The following NBPF9 variants were observed in gnomAD, a reference collection of about 807,000 sequenced individuals.
The protein encoded by NBPF9 is NBPF family member NBPF9.
NBPF9 carries 91 observed loss-of-function variants against 97.8 expected under a neutral mutation model. That is an observed-to-expected ratio of 0.93 (90% CI 0.79 to 1.11). The LOEUF (loss-of-function observed/expected upper bound fraction) is 1.11, where lower values mean the gene tolerates loss of function less well. Among genes scored for constraint, NBPF9 ranks in the 50% least tolerant of loss-of-function variants. NBPF9 has a pLI of 0.00. For synonymous variants in NBPF9, 334 were observed against 359.5 expected (o/e 0.93, Z 0.80); for missense variants, 992 against 939.5 (o/e 1.06, Z -0.73).
chr1:149,058,908 C>T lies in NBPF9; in HGVS notation c.2758+17G>A, dbSNP rs1394308523. 6.8e-5 allele frequency: 37 copies of T among 547,496 alleles called. 1 individual carries two copies. The highest frequency in any genetic ancestry group is 4.9e-4 in the South Asian group (26 of 53,140). 33.9% of individuals were successfully genotyped at this position (547,496 alleles called of 1,614,324 possible). On this transcript the variant is annotated intron_variant, in intron 26 of 29. Transcript: ENST00000584027. Reference sequence around the variant, plus strand: ...AGACCAGGTGGAGGCTTATCACCTTCATAGTAAGGTACTCACTGTCCACGT... The same window carrying T: ...AGACCAGGTGGAGGCTTATCACCTTTATAGTAAGGTACTCACTGTCCACGT...
chr1:149,100,092 C>T (rs322083), intron 3 of NBPF9, among the ~76,000 whole-genome samples: 5,490 of 137,112 alleles, frequency 0.04, 251 homozygotes, highest in African/African-American at 0.15. Flanking sequence ...TATTTAGGTA[C>T]GATCCATAAA....
At chr1:149,055,381 C>T (rs1300192286) in exon 30 of NBPF9, 1 of 625,216 alleles carries the variant, frequency 1.6e-6, no homozygotes, top group Non-Finnish European at 2.7e-6. Flanking sequence ...AATTTTGTAG[C>T]TACCCAGAGA....
intron 21 of NBPF9, 111 bp from the exon 22 acceptor site, chr1:149,062,376 A>G (rs1258447297): frequency 1.1e-5 from 7 of 660,800 alleles, no homozygotes; most frequent in South Asian, 4.8e-5. Flanking sequence ...AAAAGGACAG[A>G]TCCATTAATG....
At chr1:149,078,890 C>G in intron 9 of NBPF9, 117 bp downstream of exon 9, 1 of 1,588,784 alleles carries the variant, frequency 6.3e-7, no homozygotes. Context: ...GTGTCATGGC[C>G]ACATATGTGT....
rs2078526912 is a variant in NBPF9 at position 149,060,529 on chromosome 1, C to T, written c.2470G>A (p.Val824Met). Residue 824 changes from valine to methionine, a missense_variant, in exon 24 of 30, where the codon GTG becomes ATG. By Grantham distance (21) the Val-to-Met change is conservative. Transcript: ENST00000584027. Reference sequence around the variant, plus strand: ...TTCATAGAAAGGTACTCACCTCCCACGTCAAGAGAAAAGCCAACATGTTTT... The same window carrying T: ...TTCATAGAAAGGTACTCACCTCCCATGTCAAGAGAAAAGCCAACATGTTTT... 6.0e-5 allele frequency: 20 copies of T among 335,180 alleles called. 3 individuals are homozygous for T. The highest frequency in any genetic ancestry group is 1.7e-4 in the South Asian group (6 of 35,240). 20.8% of individuals were successfully genotyped at this position (335,180 alleles called of 1,614,324 possible). A position where few individuals can be genotyped will look rare whatever the true frequency, so the allele number is the denominator to read the frequency against.
intron 4 of NBPF9, chr1:149,092,757 TTA>T: frequency 1.8e-6 from 1 of 553,000 alleles, no homozygotes; most frequent in Non-Finnish European, 2.3e-6. Flanking sequence ...GCCCTCACCT[TTA>T]TGTGGCTGTT....
exon 30 of NBPF9, chr1:149,055,497 C>A (rs2078144654): frequency 2.7e-6 from 4 of 1,507,136 alleles, no homozygotes; most frequent in East Asian, 2.3e-5. Flanking sequence ...AGACTGAGCA[C>A]AGGTTGCCAC....
Position 149,059,792 on chromosome 1 carries a change from C to T in NBPF9, c.2493G>A (p.Gly831=), listed in dbSNP as rs1164309867. 150 of 530,748 alleles carry T rather than the reference C, an allele frequency of 2.8e-4. 43 individuals carry two copies. Among genetic ancestry groups the T allele is most frequent in the Non-Finnish European group, 4.5e-4 (132 of 295,268 alleles). The allele number at this position is 530,748 out of a possible 1,614,324, so 32.9% of individuals were successfully genotyped here. A position where few individuals can be genotyped will look rare whatever the true frequency, so the allele number is the denominator to read the frequency against. ...TTCTTCCCCTTCTTTTCTTCCCCTT[C>T]CCCTTCTTTTCAATTTCTGCAATAA... The change falls in exon 25 of 30, where the codon GGG becomes GGA. Residue 831 remains glycine, a synonymous_variant. Coordinates refer to ENST00000584027, the Ensembl canonical transcript of NBPF9.
chr1:149,071,198 AG>A, intron 15 of NBPF9, 59 bp from the exon 16 acceptor site: 1 of 1,157,982 alleles, frequency 8.6e-7, no homozygotes, highest in Non-Finnish European at 1.3e-6. Context: ...ATTGGACCCC[AG>A]GGAGTCCTAG....
intron 24 of NBPF9, 154 bp downstream of exon 24, chr1:149,060,369 G>T (rs2078519941): frequency 6.5e-6 from 3 of 459,190 alleles, no homozygotes; most frequent in South Asian, 4.8e-5. Flanking sequence ...GGGCTTCCAG[G>T]TAGAACTAGA....
chr1:149,058,042 G>A (rs1233886289), intron 27 of NBPF9, 122 bp downstream of exon 27: 1 of 278,504 alleles, frequency 3.6e-6, no homozygotes, highest in South Asian at 2.6e-5. Flanking sequence ...AGCAATGTTA[G>A]TAGGAATAAT....
chr1:149,066,244 A>T (rs1206214513), intron 17 of NBPF9: 7 of 108,518 alleles, frequency 6.5e-5, no homozygotes, highest in Non-Finnish European at 1.3e-4. Flanking sequence ...CAACACCAAG[A>T]AATCCCTGTT....
rs587664182 is a variant in NBPF9 at position 149,068,248 on chromosome 1, A to G, written c.1637+1346T>C. On this transcript the variant is annotated intron_variant, in intron 17 of 29. Transcript: ENST00000584027. ...GGGTGAAATAACCAGCTAACATCATAACGACAGGATCAAATTCACACATAA... is the reference window on the plus strand; with the variant it reads ...GGGTGAAATAACCAGCTAACATCATGACGACAGGATCAAATTCACACATAA... Among the ~76,000 whole-genome samples, 24 of 149,562 alleles carry G rather than the reference A, an allele frequency of 1.6e-4. No individual in the cohort carries two copies. In the South Asian group the frequency reaches 5.1e-3, roughly 32 times the overall value.
intron 11 of NBPF9, among the ~76,000 whole-genome samples, chr1:149,076,221 A>T (rs1388513722): frequency 1.3e-5 from 2 of 151,326 alleles, no homozygotes; most frequent in Non-Finnish European, 3.0e-5. Flanking sequence ...TGTTTGAGAC[A>T]GAGTCTCACT....
chr1:149,055,651 G>T (rs782820630), exon 30 of NBPF9: 1 of 1,611,822 alleles, frequency 6.2e-7, no homozygotes. Flanking sequence ...CTTAGTAAGG[G>T]CTGCTTATTG....
chr1:149,081,845 C>T, intron 7 of NBPF9, 120 bp downstream of exon 7: 1 of 715,594 alleles, frequency 1.4e-6, no homozygotes, highest in Non-Finnish European at 2.2e-6. Context: ...ATACCCATTT[C>T]TGTTTTCCTA....
At chr1:149,085,414 T>C (rs1403293102) in intron 5 of NBPF9, among the ~76,000 whole-genome samples, 4 of 152,302 alleles carry the variant, frequency 2.6e-5, no homozygotes, top group Admixed American at 6.5e-5. Flanking sequence ...TCCAACTTAT[T>C]GCTTCTTCAA....
rs370429967 is a variant in NBPF9, at chr1:149,081,923, C to T, written c.175+42G>A. The T allele has an allele frequency of 1.4e-4, 190 of 1,332,266 alleles. No homozygotes were observed. In the African/African-American group the frequency reaches 2.2e-3, roughly 16 times the overall value. The allele number at this position is 1,332,266 out of a possible 1,614,324, so 82.5% of individuals were successfully genotyped here. On this transcript the variant is annotated intron_variant, in intron 7 of 29. Coordinates refer to ENST00000584027, the Ensembl canonical transcript of NBPF9. ...TTAGTGTCTCAGAGAGAAGACAGGACATCATTCATCACTTTCATGACGGTG... is the reference window on the plus strand; with the variant it reads ...TTAGTGTCTCAGAGAGAAGACAGGATATCATTCATCACTTTCATGACGGTG...
At chr1:149,082,046 T>C in exon 7 of NBPF9, 2 of 1,611,190 alleles carry the variant, frequency 1.2e-6, no homozygotes, top group Non-Finnish European at 8.5e-7. Context: ...AACTGCTGTT[T>C]GTTCTCTGCC....
Sources: allele counts gnomAD v4.1 joint callset (sites outside exome capture counted in the v4.1 genomes callset), GRCh38; gene constraint gnomAD v4.1.1; transcripts MANE v1.5; gene names NCBI Gene and HGNC (gene_info 2026-07-23, HGNC 2026-07-21).